EIF4H: variants seen among roughly 807,000 people sequenced by gnomAD.
EIF4H encodes the protein Williams-Beuren syndrome chromosome region 1.
Under a neutral mutation model 30.6 loss-of-function variants are expected in EIF4H, and 8 were observed. That is an observed-to-expected ratio of 0.26 (90% CI 0.15 to 0.47). The LOEUF (loss-of-function observed/expected upper bound fraction) is 0.47, where lower values mean the gene tolerates loss of function less well. Ranked by LOEUF, EIF4H falls within the 20% of genes least tolerant of loss-of-function variation. EIF4H has a pLI of 0.99. For missense variants in EIF4H, 188 were observed against 339.5 expected, an observed-to-expected ratio of 0.55 and a Z score of 3.51; for synonymous variants, 106 against 122.7, an observed-to-expected ratio of 0.86 and a Z score of 0.90.
intron 2 of EIF4H, among the ~76,000 whole-genome samples, chr7:74,188,045 C>T (rs1487137536): frequency 1.3e-5 from 2 of 152,198 alleles, no homozygotes; most frequent in Non-Finnish European, 2.9e-5. Flanking sequence ...GGTTTGTGAG[C>T]CTGACCTCTA....
intron 5 of EIF4H, among the ~76,000 whole-genome samples, chr7:74,193,468 C>G (rs1274109668): frequency 6.6e-6 from 1 of 152,170 alleles, no homozygotes; most frequent in Non-Finnish European, 1.5e-5. Context: ...ACTGCGGGCT[C>G]TGGGGGTTCT....
intron 1 of EIF4H, among the ~76,000 whole-genome samples, chr7:74,185,704 T>C (rs1410310086): frequency 6.6e-6 from 1 of 152,206 alleles, no homozygotes; most frequent in African/African-American, 2.4e-5. Context: ...TCCATTGTGT[T>C]TCTGGCAGTA....
intron 1 of EIF4H, 76 bp downstream of exon 1, chr7:74,174,518 C>T (rs1800790675): frequency 5.1e-6 from 6 of 1,185,246 alleles, no homozygotes; most frequent in Non-Finnish European, 6.3e-6. Flanking sequence ...GGCGGCCGTC[C>T]TGCGCTCAGC....
chr7:74,189,062 G>A (rs17146093), intron 2 of EIF4H, among the ~76,000 whole-genome samples: 3,833 of 152,188 alleles, frequency 0.025, 174 homozygotes, highest in African/African-American at 0.086. Flanking sequence ...CATCTGGGGA[G>A]TAATGAACTA....
chr7:74,186,062 G>T (rs782787646), intron 1 of EIF4H, among the ~76,000 whole-genome samples: 25 of 152,096 alleles, frequency 1.6e-4, no homozygotes, highest in Non-Finnish European at 3.2e-4. Context: ...CTTGTTTGCT[G>T]AATCCTTGCT....
chr7:74,175,320 G>A (rs1025470873), intron 1 of EIF4H, among the ~76,000 whole-genome samples: 11 of 152,038 alleles, frequency 7.2e-5, no homozygotes, highest in South Asian at 2.1e-4. Context: ...TAGAATATAG[G>A]CTATGAACAT....
intron 1 of EIF4H, among the ~76,000 whole-genome samples, chr7:74,180,996 A>G (rs1563948596): frequency 2.0e-5 from 3 of 152,162 alleles, no homozygotes; most frequent in Non-Finnish European, 2.9e-5. Flanking sequence ...TTGACCTCCT[A>G]AAGTGCTGGG....
rs1406980624 is a variant in EIF4H, at chr7:74,195,997, G to A, written c.*689G>A. On this transcript the variant is annotated 3_prime_UTR_variant, in exon 7 of 7. Coordinates refer to ENST00000265753, the MANE Select transcript of EIF4H (RefSeq NM_022170.2). ...CACACGAGAAACAGTGAGGCTGAAAGGGGGGGCTATGGAAGAGCGGTAGGG... is the reference window on the plus strand; with the variant it reads ...CACACGAGAAACAGTGAGGCTGAAAAGGGGGGCTATGGAAGAGCGGTAGGG... The A allele has an allele frequency of 2.0e-5, 3 of 152,260 alleles. No homozygotes were observed. Among genetic ancestry groups the A allele is most frequent in the African/African-American group, 7.2e-5 (3 of 41,436 alleles). The allele number at this position is 152,260 out of a possible 1,614,324, so 9.4% of individuals were successfully genotyped here. A position where few individuals can be genotyped will look rare whatever the true frequency, so the allele number is the denominator to read the frequency against.
chr7:74,186,759 T>C (rs1485541352), intron 1 of EIF4H, among the ~76,000 whole-genome samples: 1 of 150,366 alleles, frequency 6.7e-6, no homozygotes, highest in Non-Finnish European at 1.5e-5. Flanking sequence ...TAGGACATTC[T>C]TATGCCCATA....
rs782340661 is a variant in EIF4H, at chr7:74,189,788, G to GC, written c.313-32dup. ...CATAGCAGTTGAGATTGTTTTCTTTGCCAATACTTACACTATTTTCCCTTT... is the reference window on the plus strand; with the variant it reads ...CATAGCAGTTGAGATTGTTTTCTTTGCCCAATACTTACACTATTTTCCCTTT... On this transcript the variant is annotated intron_variant, in intron 3 of 6. Transcript: ENST00000265753. 24 of 1,613,882 alleles carry GC rather than the reference G, an allele frequency of 1.5e-5. No individual in the cohort carries two copies. In the South Asian group the frequency reaches 2.5e-4, roughly 17 times the overall value.
chr7:74,180,981 C>T (rs1377790054), intron 1 of EIF4H, among the ~76,000 whole-genome samples: 2 of 152,192 alleles, frequency 1.3e-5, no homozygotes. Context: ...AGGGATACTC[C>T]TGCCTTGACC....
chr7:74,194,947 T>C (rs1554710495), intron 6 of EIF4H, 69 bp downstream of exon 6: 1 of 1,535,388 alleles, frequency 6.5e-7, no homozygotes, highest in Non-Finnish European at 8.8e-7. Context: ...TCACACCCCG[T>C]GGGGACTTGG....
intron 4 of EIF4H, 164 bp from the exon 5 acceptor site, chr7:74,190,083 T>C: frequency 8.9e-7 from 1 of 1,120,058 alleles, no homozygotes; most frequent in Admixed American, 2.8e-5. Flanking sequence ...CTGATGCTTC[T>C]GCAAGCCTGG....
At chr7:74,175,702 C>T (rs1279807342) in intron 1 of EIF4H, among the ~76,000 whole-genome samples, 1 of 149,896 alleles carries the variant, frequency 6.7e-6, no homozygotes, top group Non-Finnish European at 1.5e-5. Flanking sequence ...GTTCTCAAGT[C>T]ATTTCGAAAT....
intron 1 of EIF4H, among the ~76,000 whole-genome samples, chr7:74,175,648 C>G (rs1800822105): frequency 6.6e-6 from 1 of 151,516 alleles, no homozygotes. Context: ...TGTTGGATGA[C>G]ATGAAATTAT....
chr7:74,178,001 C>T (rs1554707925), intron 1 of EIF4H, among the ~76,000 whole-genome samples: 1 of 152,096 alleles, frequency 6.6e-6, no homozygotes, highest in African/African-American at 2.4e-5. Flanking sequence ...AGTGCAGTGG[C>T]AGGATCATAG....
chr7:74,191,440 A>G, intron 5 of EIF4H: 1 of 365,726 alleles, frequency 2.7e-6, no homozygotes, highest in Non-Finnish European at 5.4e-6. Context: ...GCAGAGACAC[A>G]GTGAACACGG....
Position 74,187,436 on chromosome 7 carries a change from A to T in EIF4H, c.60-175A>T, listed in dbSNP as rs569638041. 1.4e-3 allele frequency among the ~76,000 whole-genome samples: 213 copies of T among 151,824 alleles called. 1 individual carries two copies. The highest frequency in any genetic ancestry group is 5.0e-3 in the African/African-American group (206 of 41,380). On this transcript the variant is annotated intron_variant, in intron 1 of 6. Transcript: ENST00000265753. Reference sequence around the variant, plus strand: ...ACAGAGTGACAGTCTGTCTCAAAAAATTTTTCTTTTCCTTTTTTTTTGTTT... The same window carrying T: ...ACAGAGTGACAGTCTGTCTCAAAAATTTTTTCTTTTCCTTTTTTTTTGTTT...
At position 74,175,916 on chromosome 7, in the gene EIF4H, C is replaced by T. The variant is rs370910269; in HGVS notation, c.59+1474C>T. On this transcript the variant is annotated intron_variant, in intron 1 of 6. Coordinates refer to ENST00000265753, the MANE Select transcript of EIF4H (RefSeq NM_022170.2). ...CAGCTCTTCTGGTGTCAAATTTTGA[C>T]ATTTGGGGGTGCCAGGAACAATCAG... Among the ~76,000 whole-genome samples, 8 of 152,198 alleles carry T rather than the reference C, an allele frequency of 5.3e-5. 1 individual carries two copies. The highest frequency in any genetic ancestry group is 1.3e-4 in the Admixed American group (2 of 15,284).
Sources: allele counts gnomAD v4.1 joint callset (sites outside exome capture counted in the v4.1 genomes callset), GRCh38; gene constraint gnomAD v4.1.1; transcripts MANE v1.5; gene names NCBI Gene and HGNC (gene_info 2026-07-23, HGNC 2026-07-21).